Variants in ZBTB20 observed in about 807,000 individuals in gnomAD.
ZBTB20 encodes zinc finger and BTB domain containing 20.
A neutral mutation model predicts 56.9 loss-of-function variants in ZBTB20; 9 were observed. That is an observed-to-expected ratio of 0.16 (90% CI 0.10 to 0.28). ZBTB20 has a LOEUF of 0.28. Ranked by LOEUF, ZBTB20 falls within the 10% of genes least tolerant of loss-of-function variation. The pLI, the probability that ZBTB20 is intolerant of heterozygous loss-of-function variation, is 1.00. For synonymous variants in ZBTB20, 417 were observed against 420.7 expected (o/e 0.99, Z 0.11); for missense variants, 655 against 1,003.0 (o/e 0.65, Z 4.69).
At chr3:114,475,138 C>T (rs1427602024) in intron 7 of ZBTB20, among the ~76,000 whole-genome samples, 3 of 152,144 alleles carry the variant, frequency 2.0e-5, no homozygotes, top group African/African-American at 4.8e-5. Flanking sequence ...AAGTTAAACT[C>T]AATTACTTCT....
chr3:114,978,904 G>T (rs1334125618), intron 2 of ZBTB20, among the ~76,000 whole-genome samples: 1 of 151,668 alleles, frequency 6.6e-6, no homozygotes, highest in Non-Finnish European at 1.5e-5. Flanking sequence ...TATATTATTA[G>T]AATTCCTGAA....
intron 5 of ZBTB20, among the ~76,000 whole-genome samples, chr3:114,772,293 T>G (rs2069269485): frequency 6.6e-6 from 1 of 152,046 alleles, no homozygotes; most frequent in African/African-American, 2.4e-5. Context: ...TGAGCCGAGA[T>G]TAGGCCACTG....
At chr3:114,407,017 T>C (rs1322404432) in intron 7 of ZBTB20, among the ~76,000 whole-genome samples, 2 of 152,284 alleles carry the variant, frequency 1.3e-5, no homozygotes, top group Admixed American at 1.3e-4. Context: ...GAATACACTT[T>C]TCTTACTTGT....
At chr3:114,442,715 T>G (rs80035659) in intron 7 of ZBTB20, among the ~76,000 whole-genome samples, 1 of 152,156 alleles carries the variant, frequency 6.6e-6, no homozygotes, top group Non-Finnish European at 1.5e-5. Flanking sequence ...GTTCATGTGA[T>G]CTACCTCTTT....
rs1227133887 is a variant in ZBTB20, at chr3:114,931,146, G to A, written c.-455-30804C>T. ...AACCCTCCTTGCAGGGAGCAGCGAC[G>A]GAGGGTGCTAACAACTGGGGTGCAG... On this transcript the variant is annotated intron_variant, in intron 3 of 11. Transcript: ENST00000675478. The A allele has an allele frequency of 3.7e-5, 7 of 188,098 alleles. No homozygotes were observed. In the East Asian group the frequency reaches 5.1e-4, roughly 14 times the overall value. The allele number at this position is 188,098 out of a possible 1,614,324, so 11.7% of individuals were successfully genotyped here. A position where few individuals can be genotyped will look rare whatever the true frequency, so the allele number is the denominator to read the frequency against.
chr3:114,896,414 G>A (rs2074880816), intron 4 of ZBTB20, among the ~76,000 whole-genome samples: 1 of 152,054 alleles, frequency 6.6e-6, no homozygotes, highest in Non-Finnish European at 1.5e-5. Context: ...TTATTATTCA[G>A]CCATAAAAAC....
At chr3:114,842,957 G>C (rs531868728) in intron 4 of ZBTB20, among the ~76,000 whole-genome samples, 1 of 152,220 alleles carries the variant, frequency 6.6e-6, no homozygotes, top group African/African-American at 2.4e-5. Flanking sequence ...GAGCAAGGGG[G>C]GCGATTTTCC....
At chr3:114,414,389 G>A (rs868048284) in intron 7 of ZBTB20, among the ~76,000 whole-genome samples, 60 of 152,086 alleles carry the variant, frequency 3.9e-4, no homozygotes, top group African/African-American at 1.4e-3. Context: ...GGAGAAGCAC[G>A]ATGAGGAGAA....
chr3:114,998,151 C>T (rs2079100578), intron 2 of ZBTB20, among the ~76,000 whole-genome samples: 1 of 151,642 alleles, frequency 6.6e-6, no homozygotes. Flanking sequence ...TTACCCGTTA[C>T]CCAGCTTTCC....
intron 5 of ZBTB20, among the ~76,000 whole-genome samples, chr3:114,694,489 T>C (rs1006013283): frequency 1.4e-4 from 21 of 152,172 alleles, no homozygotes; most frequent in African/African-American, 4.8e-4. Flanking sequence ...AAAATGGATT[T>C]AGAAAAATCA....
At chr3:114,876,203 G>T (rs1202272108) in intron 4 of ZBTB20, 1 of 151,842 alleles carries the variant, frequency 6.6e-6, no homozygotes, top group Non-Finnish European at 1.5e-5. Flanking sequence ...TTCTTTAGTG[G>T]TGATTTGTGA....
chr3:115,025,654 GA>G (rs942203495), intron 2 of ZBTB20, among the ~76,000 whole-genome samples: 6 of 150,464 alleles, frequency 4.0e-5, no homozygotes, highest in Non-Finnish European at 5.9e-5. Context: ...ATGTCTTTAG[GA>G]AAAAAATTAG....
chr3:114,658,650 T>C (rs1032588236), intron 6 of ZBTB20: 1 of 152,254 alleles, frequency 6.6e-6, no homozygotes, highest in Non-Finnish European at 1.5e-5. Context: ...TTCTTGTTCA[T>C]TTTCATGGAG....
chr3:114,995,424 C>G (rs2108179250), intron 2 of ZBTB20, among the ~76,000 whole-genome samples: 1 of 151,826 alleles, frequency 6.6e-6, no homozygotes, highest in East Asian at 1.9e-4. Context: ...ATTCTAAATC[C>G]CAGGACATCT....
At chr3:114,740,758 A>T (rs1280262214) in intron 5 of ZBTB20, among the ~76,000 whole-genome samples, 1 of 152,202 alleles carries the variant, frequency 6.6e-6, no homozygotes, top group African/African-American at 2.4e-5. Flanking sequence ...ATCTTTTGAG[A>T]ATCTCTTTAA....
intron 7 of ZBTB20, among the ~76,000 whole-genome samples, chr3:114,495,764 C>A (rs1533269): frequency 0.43 from 64,906 of 151,916 alleles, 15,562 homozygotes; most frequent in African/African-American, 0.65. Context: ...AAAATGGTGT[C>A]TGAGCAATGA....
chr3:114,718,745 G>T (rs901543874), intron 5 of ZBTB20, among the ~76,000 whole-genome samples: 2 of 151,964 alleles, frequency 1.3e-5, no homozygotes, highest in African/African-American at 4.8e-5. Context: ...TGCCACTTAG[G>T]AGTAGACTCT....
At chr3:115,079,226 T>A (rs2082706010) in intron 1 of ZBTB20, among the ~76,000 whole-genome samples, 1 of 152,154 alleles carries the variant, frequency 6.6e-6, no homozygotes, top group African/African-American at 2.4e-5. Flanking sequence ...CCTTGAATAA[T>A]CACTCTAGAT....
At chr3:115,093,902 A>C (rs931597441) in intron 1 of ZBTB20, among the ~76,000 whole-genome samples, 1 of 152,138 alleles carries the variant, frequency 6.6e-6, no homozygotes, top group Non-Finnish European at 1.5e-5. Flanking sequence ...AGATGCAAAA[A>C]CTAATGCTGT....
Sources: gnomAD v4.1 joint callset for allele counts (sites outside exome capture counted in the v4.1 genomes callset) on GRCh38, gnomAD v4.1.1 for gene constraint, MANE v1.5 for transcripts, NCBI Gene and HGNC (gene_info 2026-07-23, HGNC 2026-07-21) for gene names.